RELB: variants seen among roughly 807,000 people sequenced by gnomAD.
RELB encodes RELB proto-oncogene, NF-kB subunit, also known as transcription factor RelB.
A neutral mutation model predicts 55.4 loss-of-function variants in RELB; 14 were observed. The observed-to-expected ratio is 0.25, with a 90% CI of 0.17 to 0.40. RELB has a LOEUF of 0.40. RELB is among the 10% of genes least tolerant of loss of function. The pLI, the probability that RELB is intolerant of heterozygous loss-of-function variation, is 1.00. For missense variants in RELB, 669 were observed against 830.7 expected, an observed-to-expected ratio of 0.81 and a Z score of 2.39; for synonymous variants, 409 against 371.3, an observed-to-expected ratio of 1.10 and a Z score of -1.17.
At chr19:45,008,826 C>T (rs534373093) in intron 2 of RELB, 85 of 282,208 alleles carry the variant, frequency 3.0e-4, no homozygotes, top group South Asian at 2.7e-3. Context: ...GGCTCACTGG[C>T]GGCCTCTGGG....
chr19:45,009,676 A>T (rs1971325044), intron 2 of RELB, 138 bp from the exon 3 acceptor site: 7 of 929,738 alleles, frequency 7.5e-6, no homozygotes, highest in Non-Finnish European at 1.2e-5. Context: ...AGCAAGTCAG[A>T]GCCCAGGGTT....
intron 2 of RELB, among the ~76,000 whole-genome samples, chr19:45,004,383 C>A (rs1236113232): frequency 2.0e-5 from 3 of 150,914 alleles, no homozygotes; most frequent in African/African-American, 7.3e-5. Context: ...CCACCACGCT[C>A]AGCTAATTTT....
chr19:45,007,646 C>T (rs562292674), intron 2 of RELB, among the ~76,000 whole-genome samples: 9 of 151,346 alleles, frequency 5.9e-5, no homozygotes, highest in African/African-American at 2.2e-4. Context: ...TCACTTGAGG[C>T]CAGGAGTTCG....
intron 4 of RELB, among the ~76,000 whole-genome samples, chr19:45,020,213 TTC>T (rs763876860): frequency 2.6e-5 from 4 of 151,886 alleles, no homozygotes; most frequent in East Asian, 1.9e-4. Flanking sequence ...TTTATTCTCT[TTC>T]TCTCTCTCTC....
intron 4 of RELB, among the ~76,000 whole-genome samples, chr19:45,015,907 G>T (rs1473309489): frequency 6.6e-6 from 1 of 151,978 alleles, no homozygotes; most frequent in East Asian, 1.9e-4. Flanking sequence ...TTAAATGAAT[G>T]GTTTTAACCC....
In RELB at chr19:45,034,444, C is replaced by T; in HGVS notation, c.1277-7C>T. 6.2e-7 allele frequency: 1 copy of T among 1,611,940 alleles called. No homozygotes were observed. The highest frequency in any genetic ancestry group is 1.3e-5 in the African/African-American group (1 of 74,988). On this transcript the variant is annotated splice_region_variant and splice_polypyrimidine_tract_variant and intron_variant, in intron 10 of 11. Coordinates refer to ENST00000221452, the MANE Select transcript of RELB (RefSeq NM_006509.4). ...GAACAGGGGTCCTCATCTCTGCCTT[C>T]CCTCAGACCCCCATGGCATCGAGAG...
At chr19:45,028,829 T>C in intron 7 of RELB, 59 bp from the exon 8 acceptor site, 5 of 1,442,186 alleles carry the variant, frequency 3.5e-6, no homozygotes, top group Middle Eastern at 1.7e-4. Context: ...CAGTAAGGCT[T>C]TGGTGACTGA....
intron 4 of RELB, among the ~76,000 whole-genome samples, chr19:45,017,865 G>A (rs1435485019): frequency 1.3e-5 from 2 of 150,668 alleles, no homozygotes; most frequent in Non-Finnish European, 3.0e-5. Flanking sequence ...GGCTGGTCTC[G>A]AACTCCTGGC....
intron 7 of RELB, among the ~76,000 whole-genome samples, chr19:45,027,520 C>T (rs1971573158): frequency 6.6e-6 from 1 of 152,124 alleles, no homozygotes; most frequent in South Asian, 2.1e-4. Context: ...CTTAAAGTCT[C>T]AGGTCTATCT....
intron 7 of RELB, among the ~76,000 whole-genome samples, chr19:45,026,538 C>T (rs1381539636): frequency 2.2e-5 from 3 of 136,690 alleles, no homozygotes; most frequent in Admixed American, 8.3e-5. Flanking sequence ...AGAGGGACTC[C>T]GTCTCAAAAA....
intron 4 of RELB, among the ~76,000 whole-genome samples, chr19:45,017,664 T>C: frequency 7.5e-6 from 1 of 134,106 alleles, no homozygotes; most frequent in East Asian, 2.1e-4. Flanking sequence ...TTATTATTCC[T>C]TTTTTTTTTT....
chr19:45,012,593 A>T (rs1242680977), intron 4 of RELB, among the ~76,000 whole-genome samples: 1 of 151,864 alleles, frequency 6.6e-6, no homozygotes, highest in Non-Finnish European at 1.5e-5. Context: ...AAAGTACACA[A>T]ATTAGCCGAG....
intron 8 of RELB, among the ~76,000 whole-genome samples, chr19:45,029,903 T>C (rs1478329160): frequency 6.6e-6 from 1 of 151,900 alleles, no homozygotes; most frequent in Admixed American, 6.6e-5. Context: ...CAGCAGCTCA[T>C]GCCTGTAATC....
intron 2 of RELB, among the ~76,000 whole-genome samples, chr19:45,007,783 G>A (rs1046809720): frequency 1.3e-4 from 20 of 150,468 alleles, no homozygotes; most frequent in East Asian, 1.2e-3. Context: ...GCTAGAACCC[G>A]GGAGGCAGAG....
At chr19:45,032,818 T>C (rs1488509627) in intron 9 of RELB, 69 bp downstream of exon 9, 8 of 1,324,422 alleles carry the variant, frequency 6.0e-6, no homozygotes, top group Non-Finnish European at 7.3e-6. Context: ...GAGACCCCAG[T>C]GGGGATGGGA....
intron 3 of RELB, 150 bp downstream of exon 3, chr19:45,009,972 C>G: frequency 1.2e-6 from 1 of 829,176 alleles, no homozygotes; most frequent in Non-Finnish European, 1.9e-6. Context: ...AAGTCATGCT[C>G]CTAAGGTACT....
chr19:45,034,465 G>A lies in RELB; in HGVS notation c.1291G>A (p.Glu431Lys), dbSNP rs755655997. Residue 431 changes from glutamate (E) to lysine (K), a missense_variant, in exon 11 of 12, where the codon GAG becomes AAG. Physicochemically the swap from Glu to Lys is moderately conservative, Grantham distance 56 (BLOSUM62 1). Transcript: ENST00000221452. ...ELNSSDPHGI[E>K]SKRRKKKPAI... is the part of the protein sequence containing the mutation. ...CCTTCCCTCAGACCCCCATGGCATC[G>A]AGAGCAAACGGCGGAAGAAAAAGCC... is the stretch of plus-strand genomic sequence containing the variant. 57 of 1,611,706 alleles carry A rather than the reference G, an allele frequency of 3.5e-5. No individual in the cohort carries two copies. The highest frequency in any genetic ancestry group is 4.7e-5 in the Non-Finnish European group (56 of 1,178,974).
intron 4 of RELB, among the ~76,000 whole-genome samples, chr19:45,012,962 A>G (rs984200863): frequency 1.3e-5 from 2 of 151,882 alleles, no homozygotes; most frequent in African/African-American, 4.8e-5. Flanking sequence ...AGGTGGGAGG[A>G]TCGCTTGAGC....
Position 45,037,911 on chromosome 19 carries a change from T to C in RELB, c.*121T>C. ...CTTCCTCATGCTTCTGAAGTGGACATATTCAGCCTTGGCGAGAAGCTCCGT... is the reference window on the plus strand; with the variant it reads ...CTTCCTCATGCTTCTGAAGTGGACACATTCAGCCTTGGCGAGAAGCTCCGT... On this transcript the variant is annotated 3_prime_UTR_variant, in exon 12 of 12. Coordinates refer to ENST00000221452, the MANE Select transcript of RELB (RefSeq NM_006509.4). 2 of 1,033,346 alleles carry C rather than the reference T, an allele frequency of 1.9e-6. No individual in the cohort carries two copies. Among genetic ancestry groups the C allele is most frequent in the Non-Finnish European group, 2.6e-6 (2 of 764,760 alleles). 64.0% of individuals were successfully genotyped at this position (1,033,346 alleles called of 1,614,324 possible).
Sources: gnomAD v4.1 joint callset for allele counts (sites outside exome capture counted in the v4.1 genomes callset) on GRCh38, gnomAD v4.1.1 for gene constraint, MANE v1.5 for transcripts, NCBI Gene and HGNC (gene_info 2026-07-23, HGNC 2026-07-21) for gene names.